PPFIA2: variants seen among roughly 807,000 people sequenced by gnomAD.
PPFIA2 encodes liprin-alpha-2.
A neutral mutation model predicts 175.5 loss-of-function variants in PPFIA2; 46 were observed. The ratio of observed to expected loss-of-function variants is 0.26; its 90% CI spans 0.21 to 0.34. The LOEUF is 0.34. Ranked by LOEUF, PPFIA2 falls within the 10% of genes least tolerant of loss-of-function variation. The pLI, the probability that PPFIA2 is intolerant of heterozygous loss-of-function variation, is 1.00. For synonymous variants in PPFIA2, 568 were observed against 511.4 expected (o/e 1.11, Z -1.49); for missense variants, 1,179 against 1,506.1 (o/e 0.78, Z 3.60).
chr12:81,656,482 G>T (rs148219904), intron 4 of PPFIA2, among the ~76,000 whole-genome samples: 65 of 152,032 alleles, frequency 4.3e-4, no homozygotes, highest in African/African-American at 1.5e-3. Context: ...TAACAAAGCT[G>T]CATTTGTACC....
At chr12:81,434,886 TTG>T (rs2048711667) in intron 7 of PPFIA2, among the ~76,000 whole-genome samples, 1 of 152,140 alleles carries the variant, frequency 6.6e-6, no homozygotes, top group Admixed American at 6.5e-5. Flanking sequence ...GTATATATAC[TTG>T]CAAACAATGG....
intron 4 of PPFIA2, among the ~76,000 whole-genome samples, chr12:81,527,913 G>T (rs1174239304): frequency 6.6e-6 from 1 of 152,038 alleles, no homozygotes; most frequent in Non-Finnish European, 1.5e-5. Flanking sequence ...CTGACACTTT[G>T]ATCTTGGACT....
intron 8 of PPFIA2, among the ~76,000 whole-genome samples, chr12:81,399,572 T>C (rs1368866573): frequency 6.6e-6 from 1 of 152,098 alleles, no homozygotes; most frequent in Non-Finnish European, 1.5e-5. Flanking sequence ...TTCTAGAAAA[T>C]TGATACAACT....
At chr12:81,567,559 T>C (rs994103755) in intron 4 of PPFIA2, among the ~76,000 whole-genome samples, 3 of 152,076 alleles carry the variant, frequency 2.0e-5, no homozygotes, top group Non-Finnish European at 4.4e-5. Context: ...AGAGGAGGGG[T>C]CTACAGATTG....
Position 81,275,973 on chromosome 12 carries a change from A to C in PPFIA2, c.3310+1344T>G, listed in dbSNP as rs1321941171. ...CTAATTTTTTGTATTTTTAGTAGAAACAGGGTTTCACCATGTTAGCCAGGA... is the reference window on the plus strand; with the variant it reads ...CTAATTTTTTGTATTTTTAGTAGAACCAGGGTTTCACCATGTTAGCCAGGA... On this transcript the variant is annotated intron_variant, in intron 28 of 32. Coordinates refer to ENST00000549396, the MANE Select transcript of PPFIA2 (RefSeq NM_003625.5). Among the ~76,000 whole-genome samples, 5 of 151,994 alleles carry C rather than the reference A, an allele frequency of 3.3e-5. No homozygotes were observed. The South Asian group carries it at 1.0e-3, about 32-fold the overall frequency.
intron 4 of PPFIA2, among the ~76,000 whole-genome samples, chr12:81,542,938 AG>A (rs754220578): frequency 9.0e-4 from 137 of 152,156 alleles, no homozygotes; most frequent in Admixed American, 4.6e-4. Context: ...CCATTGGATA[AG>A]GAAAATTAGA....
intron 3 of PPFIA2, among the ~76,000 whole-genome samples, chr12:81,695,652 AC>A (rs1187213791): frequency 1.3e-5 from 2 of 152,214 alleles, no homozygotes; most frequent in African/African-American, 2.4e-5. Flanking sequence ...TTTTAAAAAA[AC>A]AATATAAATT....
intron 4 of PPFIA2, among the ~76,000 whole-genome samples, chr12:81,536,185 A>G (rs2153316167): frequency 6.6e-6 from 1 of 151,898 alleles, no homozygotes; most frequent in Admixed American, 6.6e-5. Context: ...GCTGACAACT[A>G]TTATTTACTT....
At chr12:81,465,195 T>A (rs1313645173) in intron 4 of PPFIA2, 1 of 152,170 alleles carries the variant, frequency 6.6e-6, no homozygotes, top group African/African-American at 2.4e-5. Context: ...TCTAATCTTG[T>A]GGGCCACTTA....
intron 3 of PPFIA2, among the ~76,000 whole-genome samples, chr12:81,685,986 A>G (rs1185796137): frequency 6.6e-6 from 1 of 152,008 alleles, no homozygotes; most frequent in Non-Finnish European, 1.5e-5. Context: ...CAGAGTTTAA[A>G]TGACTTAACA....
chr12:81,491,258 G>C (rs1593879752), intron 4 of PPFIA2, among the ~76,000 whole-genome samples: 2 of 150,844 alleles, frequency 1.3e-5, no homozygotes, highest in Admixed American at 6.7e-5. Flanking sequence ...TGCCAATCCA[G>C]GTTTCTTACT....
In PPFIA2 at chr12:81,616,437, A is replaced by C. The variant is rs4359282; in HGVS notation, c.303+60354T>G. ...TATTAATTAAAATGACTAGGTAAGA[A>C]ATAAAGGGGTTAAACATCACTTAGA... On this transcript the variant is annotated intron_variant, in intron 4 of 32. Transcript: ENST00000549396. 3.5e-3 allele frequency among the ~76,000 whole-genome samples: 540 copies of C among 152,268 alleles called. 4 individuals are homozygous for C. The highest frequency in any genetic ancestry group is 5.8e-3 in the South Asian group (28 of 4,828).
chr12:81,709,212 G>C (rs2077577460), intron 3 of PPFIA2, among the ~76,000 whole-genome samples: 1 of 151,974 alleles, frequency 6.6e-6, no homozygotes, highest in Admixed American at 6.6e-5. Flanking sequence ...AGAAGGCTCT[G>C]CTCCTTGCTC....
At chr12:81,734,651 G>T (rs910773106) in intron 3 of PPFIA2, among the ~76,000 whole-genome samples, 15 of 151,750 alleles carry the variant, frequency 9.9e-5, no homozygotes, top group Admixed American at 3.3e-4. Flanking sequence ...AGGTGATTGG[G>T]AGCCATGGAA....
At chr12:81,510,137 ATATT>A (rs1040481769) in intron 4 of PPFIA2, among the ~76,000 whole-genome samples, 50 of 152,074 alleles carry the variant, frequency 3.3e-4, no homozygotes, top group African/African-American at 1.2e-3. Flanking sequence ...GCTATTATAT[ATATT>A]TATTATATAT....
chr12:81,643,746 T>C (rs1003899753), intron 4 of PPFIA2, among the ~76,000 whole-genome samples: 1 of 152,002 alleles, frequency 6.6e-6, no homozygotes, highest in African/African-American at 2.4e-5. Context: ...ATATATAATT[T>C]CATTATAAAA....
chr12:81,738,959 T>TA (rs2081991442), intron 3 of PPFIA2, among the ~76,000 whole-genome samples: 1 of 151,770 alleles, frequency 6.6e-6, no homozygotes, highest in African/African-American at 2.4e-5. Flanking sequence ...AAAATCAGAT[T>TA]AAATAGAATT....
chr12:81,266,925 T>C (rs367738972), intron 30 of PPFIA2, 27 bp downstream of exon 30: 1 of 1,543,288 alleles, frequency 6.5e-7, no homozygotes, highest in Non-Finnish European at 8.9e-7. Context: ...CTCTCTCAGA[T>C]CTCTTTTGAA....
At chr12:81,728,524 G>T (rs1227163921) in intron 3 of PPFIA2, among the ~76,000 whole-genome samples, 1 of 151,104 alleles carries the variant, frequency 6.6e-6, no homozygotes, top group Non-Finnish European at 1.5e-5. Flanking sequence ...CCTTCTACTT[G>T]CTATCCCCCT....
Sources: gnomAD v4.1 joint callset for allele counts (sites outside exome capture counted in the v4.1 genomes callset) on GRCh38, gnomAD v4.1.1 for gene constraint, MANE v1.5 for transcripts, NCBI Gene and HGNC (gene_info 2026-07-23, HGNC 2026-07-21) for gene names.